The following ITPR1 variants were observed in gnomAD, a reference collection of about 807,000 sequenced individuals.
The protein encoded by ITPR1 is inositol 1,4,5-trisphosphate receptor type 1.
Under a neutral mutation model 318.4 loss-of-function variants are expected in ITPR1, and 96 were observed. The ratio of observed to expected loss-of-function variants is 0.30; its 90% CI spans 0.26 to 0.36. ITPR1 has a LOEUF of 0.36. Ranked by LOEUF, ITPR1 falls within the 10% of genes least tolerant of loss-of-function variation. The pLI is 1.00. For missense variants in ITPR1, 2,440 were observed against 3,460.2 expected (o/e 0.71, Z 7.40); for synonymous variants, 1,312 against 1,289.9 (o/e 1.02, Z -0.37).
intron 4 of ITPR1, among the ~76,000 whole-genome samples, chr3:4,554,720 T>C (rs962456840): frequency 2.0e-5 from 3 of 152,100 alleles, no homozygotes; most frequent in Non-Finnish European, 4.4e-5. Flanking sequence ...TGACTCGAAA[T>C]ATCTGTCTCA....
chr3:4,545,442 G>C (rs886080762), intron 4 of ITPR1, among the ~76,000 whole-genome samples: 2 of 151,974 alleles, frequency 1.3e-5, no homozygotes, highest in Non-Finnish European at 2.9e-5. Context: ...GGGCAACAAG[G>C]TGAGACTCCG....
intron 24 of ITPR1, among the ~76,000 whole-genome samples, chr3:4,680,006 G>A (rs1438063269): frequency 6.6e-6 from 1 of 152,142 alleles, no homozygotes; most frequent in Non-Finnish European, 1.5e-5. Flanking sequence ...AGCAATCCTG[G>A]GAAAAGTGAC....
intron 4 of ITPR1, among the ~76,000 whole-genome samples, chr3:4,559,426 T>C (rs1442091869): frequency 6.6e-6 from 1 of 152,222 alleles, no homozygotes; most frequent in African/African-American, 2.4e-5. Context: ...ACTTTATATA[T>C]TTTAAAAGTC....
intron 4 of ITPR1, among the ~76,000 whole-genome samples, chr3:4,576,389 T>G (rs752798128): frequency 1.3e-5 from 2 of 152,132 alleles, no homozygotes; most frequent in Non-Finnish European, 2.9e-5. Flanking sequence ...GGGTCTGAGG[T>G]GAGGCCTTGG....
chr3:4,838,396 T>G (rs370601975), intron 61 of ITPR1, among the ~76,000 whole-genome samples: 4 of 150,172 alleles, frequency 2.7e-5, no homozygotes, highest in Admixed American at 2.7e-4. Flanking sequence ...AGGACATTGG[T>G]GGCTACAGCT....
intron 49 of ITPR1, among the ~76,000 whole-genome samples, chr3:4,781,505 G>A (rs1385191773): frequency 6.6e-6 from 1 of 152,128 alleles, no homozygotes; most frequent in Non-Finnish European, 1.5e-5. Context: ...GGAACAATCA[G>A]ACAGGCACAG....
chr3:4,820,202 T>A (rs1274481627), intron 60 of ITPR1, among the ~76,000 whole-genome samples: 1 of 152,172 alleles, frequency 6.6e-6, no homozygotes, highest in African/African-American at 2.4e-5. Context: ...GATCAGCATT[T>A]ATACTGACAC....
At chr3:4,559,275 G>A (rs1419708501) in intron 4 of ITPR1, among the ~76,000 whole-genome samples, 1 of 151,824 alleles carries the variant, frequency 6.6e-6, no homozygotes, top group Non-Finnish European at 1.5e-5. Context: ...ATCTTGAATA[G>A]TCCTCTTTTC....
At chr3:4,696,673 G>GTTTTT (rs10546052) in intron 33 of ITPR1, among the ~76,000 whole-genome samples, 2 of 117,240 alleles carry the variant, frequency 1.7e-5, no homozygotes. Context: ...CTTGCCGTGT[G>GTTTTT]TTTTTTTTTT....
intron 4 of ITPR1, among the ~76,000 whole-genome samples, chr3:4,613,914 A>G (rs1421571487): frequency 2.0e-5 from 3 of 152,210 alleles, no homozygotes; most frequent in Admixed American, 6.5e-5. Context: ...ATTGAGATAG[A>G]TAACATTTCC....
chr3:4,523,785 T>G (rs1259874619), intron 4 of ITPR1, among the ~76,000 whole-genome samples: 2 of 152,182 alleles, frequency 1.3e-5, no homozygotes, highest in East Asian at 3.8e-4. Context: ...ATGTTAAAAA[T>G]AAATAGGACT....
chr3:4,844,794 T>C (rs2051635099), intron 61 of ITPR1, among the ~76,000 whole-genome samples: 1 of 152,238 alleles, frequency 6.6e-6, no homozygotes, highest in African/African-American at 2.4e-5. Context: ...ACTAAGTCCT[T>C]GTAAGTCTTC....
chr3:4,589,202 G>C (rs1456936169), intron 4 of ITPR1, among the ~76,000 whole-genome samples: 1 of 152,036 alleles, frequency 6.6e-6, no homozygotes, highest in African/African-American at 2.4e-5. Flanking sequence ...ATATAAAACT[G>C]CAACCTAGGA....
In ITPR1 at chr3:4,738,219, A is replaced by G. The variant is rs148410180; in HGVS notation, c.5544+2865A>G. Among the ~76,000 whole-genome samples, 481 of 152,372 alleles carry G rather than the reference A, an allele frequency of 3.2e-3. 2 individuals carry two copies. The highest frequency in any genetic ancestry group is 0.011 in the African/African-American group (460 of 41,588). On this transcript the variant is annotated intron_variant, in intron 44 of 61. Coordinates refer to ENST00000649015, the MANE Select transcript of ITPR1 (RefSeq NM_001378452.1). ...CCCTGAATTTAAAATAAAAGTTTAA[A>G]AAAGAAAAAAAACAACAACTCAGTA...
At chr3:4,580,652 A>G (rs1229694296) in intron 4 of ITPR1, among the ~76,000 whole-genome samples, 1 of 152,188 alleles carries the variant, frequency 6.6e-6, no homozygotes, top group Non-Finnish European at 1.5e-5. Flanking sequence ...TGTTGTTCAT[A>G]GTCCTCCACT....
intron 46 of ITPR1, among the ~76,000 whole-genome samples, chr3:4,773,728 G>A (rs1472611208): frequency 1.3e-5 from 2 of 152,180 alleles, no homozygotes; most frequent in Non-Finnish European, 2.9e-5. Context: ...TCTTCCCTGA[G>A]GAGCTGGAGC....
chr3:4,671,923 G>A (rs964276296), intron 20 of ITPR1: 5 of 151,916 alleles, frequency 3.3e-5, no homozygotes, highest in African/African-American at 1.2e-4. Flanking sequence ...TATATAAATG[G>A]GACTGTACTC....
At position 4,669,711 on chromosome 3, in the gene ITPR1, C is replaced by G. The variant is rs372037170; in HGVS notation, c.1944C>G (p.Thr648=). The part of the protein sequence containing the change: ...CVSMNKSIPV[T]QELICKAVLN... ...CCATGAACAAATCAATTCCAGTGAC[C>G]CAGGAACTGATATGTAAAGCTGTGC... The change falls in exon 19 of 62, where the codon ACC becomes ACG. Residue 648 remains threonine, a synonymous_variant. Coordinates refer to ENST00000649015, the MANE Select transcript of ITPR1 (RefSeq NM_001378452.1). 1 of 1,613,016 alleles carries G rather than the reference C, an allele frequency of 6.2e-7. No homozygotes were observed.
chr3:4,550,291 A>G (rs2085431650), intron 4 of ITPR1, among the ~76,000 whole-genome samples: 1 of 152,210 alleles, frequency 6.6e-6, no homozygotes, highest in Admixed American at 6.5e-5. Context: ...ATCTCACAGC[A>G]GAAACACTGT....
Sources: allele counts gnomAD v4.1 joint callset (sites outside exome capture counted in the v4.1 genomes callset), GRCh38; gene constraint gnomAD v4.1.1; transcripts MANE v1.5; gene names NCBI Gene and HGNC (gene_info 2026-07-23, HGNC 2026-07-21).